TMEM263: variants seen among roughly 807,000 people sequenced by gnomAD.
The protein encoded by TMEM263 is transmembrane protein 263, also known as UPF0444 transmembrane protein C12orf23.
A neutral mutation model predicts 8.6 loss-of-function variants in TMEM263; 5 were observed. That is an observed-to-expected ratio of 0.58 (90% CI 0.31 to 1.23). TMEM263 has a LOEUF of 1.23. Ranked by LOEUF, TMEM263 falls within the 50% of genes most tolerant of loss-of-function variation. The pLI, the probability that TMEM263 is intolerant of heterozygous loss-of-function variation, is 0.07. For missense variants in TMEM263, 104 were observed against 138.8 expected (o/e 0.75, Z 1.26); for synonymous variants, 50 against 47.9 (o/e 1.04, Z -0.18).
At chr12:106,963,244 A>G (rs1296143259) in intron 2 of TMEM263, among the ~76,000 whole-genome samples, 1 of 152,230 alleles carries the variant, frequency 6.6e-6, no homozygotes, top group African/African-American at 2.4e-5. Context: ...TAAGCAAAAT[A>G]GGAAGCAGTT....
In TMEM263 at chr12:106,972,853, C is replaced by G. The variant is rs1951942012; in HGVS notation, c.*1462C>G. ...TTAAATCTGGAAATTTGTCTCCATTCTGCCACCTTTTTTTTTTTTTTTTTT... is the reference window on the plus strand; with the variant it reads ...TTAAATCTGGAAATTTGTCTCCATTGTGCCACCTTTTTTTTTTTTTTTTTT... On this transcript the variant is annotated 3_prime_UTR_variant, in exon 4 of 4. Transcript: ENST00000280756. 1 of 143,320 alleles carries G rather than the reference C, an allele frequency of 7.0e-6. No individual in the cohort carries two copies. Among genetic ancestry groups the G allele is most frequent in the African/African-American group, 2.6e-5 (1 of 37,902 alleles). The allele number at this position is 143,320 out of a possible 1,614,324, so 8.9% of individuals were successfully genotyped here.
intron 1 of TMEM263, among the ~76,000 whole-genome samples, chr12:106,956,310 C>A (rs2041895): frequency 6.6e-6 from 1 of 151,922 alleles, no homozygotes; most frequent in African/African-American, 2.4e-5. Flanking sequence ...TTGGAGCTTG[C>A]GCACCCCTGG....
chr12:106,956,213 G>C (rs567261009), intron 1 of TMEM263, 148 bp downstream of exon 1: 1 of 285,542 alleles, frequency 3.5e-6, no homozygotes. Context: ...AGCGGGAAAG[G>C]GGGAGGGGCG....
intron 2 of TMEM263, among the ~76,000 whole-genome samples, chr12:106,961,284 T>A (rs1210562743): frequency 6.9e-6 from 1 of 145,418 alleles, no homozygotes; most frequent in African/African-American, 2.6e-5. Flanking sequence ...CTCATTATGT[T>A]TTCCTGGTCT....
intron 3 of TMEM263, among the ~76,000 whole-genome samples, chr12:106,968,158 C>CTAG: frequency 6.6e-6 from 1 of 152,108 alleles, no homozygotes; most frequent in Non-Finnish European, 1.5e-5. Context: ...GGTTGTGACT[C>CTAG]TAGGTATTAT....
intron 3 of TMEM263, among the ~76,000 whole-genome samples, chr12:106,968,088 C>A (rs941165176): frequency 6.6e-6 from 1 of 152,088 alleles, no homozygotes; most frequent in African/African-American, 2.4e-5. Flanking sequence ...TAGACTGTTA[C>A]TAAACTTAAT....
At chr12:106,962,648 A>G (rs1951794491) in intron 2 of TMEM263, among the ~76,000 whole-genome samples, 1 of 152,190 alleles carries the variant, frequency 6.6e-6, no homozygotes, top group Non-Finnish European at 1.5e-5. Flanking sequence ...TTTATGCTGA[A>G]TTTCTGGCCC....
At chr12:106,960,848 T>G (rs890914239) in intron 2 of TMEM263, among the ~76,000 whole-genome samples, 1 of 152,250 alleles carries the variant, frequency 6.6e-6, no homozygotes, top group African/African-American at 2.4e-5. Context: ...CTGTGTATTC[T>G]TAAGTCCTAG....
At chr12:106,970,469 T>G (rs1951904756) in intron 3 of TMEM263, among the ~76,000 whole-genome samples, 1 of 152,274 alleles carries the variant, frequency 6.6e-6, no homozygotes, top group Non-Finnish European at 1.5e-5. Context: ...TTTGGATTAA[T>G]GCAAGACAGC....
intron 2 of TMEM263, among the ~76,000 whole-genome samples, chr12:106,961,210 A>T (rs1430014066): frequency 8.3e-6 from 1 of 120,882 alleles, no homozygotes; most frequent in Non-Finnish European, 1.7e-5. Context: ...GGCGTGCACC[A>T]CCGTGCCCAG....
At position 106,972,451 on chromosome 12, in the gene TMEM263, T is replaced by TTA. The variant is rs967108571; in HGVS notation, c.*1061_*1062dup. 23 of 152,310 alleles carry TTA rather than the reference T, an allele frequency of 1.5e-4. No homozygotes were observed. The highest frequency in any genetic ancestry group is 5.5e-4 in the African/African-American group (23 of 41,576). 9.4% of individuals were successfully genotyped at this position (152,310 alleles called of 1,614,324 possible). A position where few individuals can be genotyped will look rare whatever the true frequency, so the allele number is the denominator to read the frequency against. On this transcript the variant is annotated 3_prime_UTR_variant, in exon 4 of 4. Coordinates refer to ENST00000280756, the MANE Select transcript of TMEM263 (RefSeq NM_152261.4). ...AAAGTAACCACAAATATGTGAGGAC[T>TTA]TACTATTTTAAATGGAATGGAATGA...
chr12:106,972,725 T>C lies in TMEM263; in HGVS notation c.*1334T>C, dbSNP rs1951939743. The C allele has an allele frequency of 6.6e-6, 1 of 152,202 alleles. No homozygotes were observed. The highest frequency in any genetic ancestry group is 2.4e-5 in the African/African-American group (1 of 41,466). 9.4% of individuals were successfully genotyped at this position (152,202 alleles called of 1,614,324 possible). On this transcript the variant is annotated 3_prime_UTR_variant, in exon 4 of 4. Transcript: ENST00000280756. ...TGGAATTCATTTTCTTTTCGTTTCA[T>C]GTTTAATTTCATAAAACGTTTAACA...
chr12:106,960,809 C>G (rs189634338), intron 2 of TMEM263, among the ~76,000 whole-genome samples: 130 of 152,252 alleles, frequency 8.5e-4, no homozygotes, highest in Non-Finnish European at 1.5e-3. Flanking sequence ...TTAAATTACT[C>G]TAGATTAAAT....
intron 3 of TMEM263, 50 bp downstream of exon 3, chr12:106,967,230 G>A (rs1197162830): frequency 9.2e-7 from 1 of 1,085,712 alleles, no homozygotes; most frequent in Admixed American, 2.4e-5. Context: ...CTGAATTAAA[G>A]TTCTGATAGT....
chr12:106,970,344 A>G (rs1951902440), intron 3 of TMEM263, among the ~76,000 whole-genome samples: 1 of 152,154 alleles, frequency 6.6e-6, no homozygotes, highest in Non-Finnish European at 1.5e-5. Flanking sequence ...AAAAGAACCC[A>G]TATTAACATA....
intron 2 of TMEM263, among the ~76,000 whole-genome samples, chr12:106,962,554 T>C (rs1343562098): frequency 6.6e-6 from 1 of 152,206 alleles, no homozygotes; most frequent in African/African-American, 2.4e-5. Context: ...TTCTCATCAC[T>C]CTTTTCCTTG....
chr12:106,972,939 C>G lies in TMEM263; in HGVS notation c.*1548C>G, dbSNP rs1320444747. 6.7e-6 allele frequency: 1 copy of G among 149,450 alleles called. No individual in the cohort carries two copies. The highest frequency in any genetic ancestry group is 1.5e-5 in the Non-Finnish European group (1 of 67,644). 9.3% of individuals were successfully genotyped at this position (149,450 alleles called of 1,614,324 possible). A position where few individuals can be genotyped will look rare whatever the true frequency, so the allele number is the denominator to read the frequency against. On this transcript the variant is annotated 3_prime_UTR_variant, in exon 4 of 4. Transcript: ENST00000280756. Reference sequence around the variant, plus strand: ...CAGTAAGTAAGTCGAAATAGCATGCCTGAAAATTTGAAACAGACCATTCTA... The same window carrying G: ...CAGTAAGTAAGTCGAAATAGCATGCGTGAAAATTTGAAACAGACCATTCTA...
In TMEM263 at chr12:106,967,064, C is replaced by A. The variant is rs1028034969; in HGVS notation, c.-6-47C>A. The A allele has an allele frequency of 1.5e-5, 19 of 1,259,520 alleles. 1 individual carries two copies. Among genetic ancestry groups the A allele is most frequent in the Non-Finnish European group, 2.2e-5 (19 of 877,992 alleles). The allele number at this position is 1,259,520 out of a possible 1,614,324, so 78.0% of individuals were successfully genotyped here. On this transcript the variant is annotated intron_variant, in intron 2 of 3. Transcript: ENST00000280756. The stretch of plus-strand genomic sequence containing the variant: ...TTTAGCATGTGATAAGAGGTAGTCT[C>A]ACATGTTGAGGTTAAAATGAAATGT...
In TMEM263 at chr12:106,972,483, T is replaced by C. The variant is rs1218965862; in HGVS notation, c.*1092T>C. Reference sequence around the variant, plus strand: ...TTTAAATGGAATGGAATGAGCTCCATAGATTAGTTTTGAATATAAAGTATA... The same window carrying C: ...TTTAAATGGAATGGAATGAGCTCCACAGATTAGTTTTGAATATAAAGTATA... On this transcript the variant is annotated 3_prime_UTR_variant, in exon 4 of 4. Transcript: ENST00000280756. 6.6e-6 allele frequency: 1 copy of C among 152,184 alleles called. No homozygotes were observed. The allele number at this position is 152,184 out of a possible 1,614,324, so 9.4% of individuals were successfully genotyped here.
Sources: gnomAD v4.1 joint callset for allele counts (sites outside exome capture counted in the v4.1 genomes callset) on GRCh38, gnomAD v4.1.1 for gene constraint, MANE v1.5 for transcripts, NCBI Gene and HGNC (gene_info 2026-07-23, HGNC 2026-07-21) for gene names.